Variants in SUSD4 observed in about 807,000 individuals in gnomAD.
SUSD4 encodes the protein sushi domain containing 4.
In SUSD4, 41 loss-of-function variants were observed where a neutral mutation model predicts 50.5. The observed-to-expected ratio is 0.81, with a 90% confidence interval of 0.63 to 1.05. The LOEUF (loss-of-function observed/expected upper bound fraction) is 1.05. SUSD4 is among the 50% of genes least tolerant of loss of function. The pLI is 0.00. For synonymous variants in SUSD4, 257 were observed against 257.3 expected, an observed-to-expected ratio of 1.00 and a Z score of 0.01; for missense variants, 580 against 634.7, an observed-to-expected ratio of 0.91 and a Z score of 0.93.
intron 2 of SUSD4, among the ~76,000 whole-genome samples, chr1:223,348,466 C>A (rs1289112569): frequency 6.6e-6 from 1 of 152,198 alleles, no homozygotes; most frequent in Non-Finnish European, 1.5e-5. Flanking sequence ...TGTTCTATAT[C>A]TATTTATTCT....
intron 2 of SUSD4, among the ~76,000 whole-genome samples, chr1:223,294,774 T>C (rs1183660018): frequency 6.6e-6 from 1 of 152,248 alleles, no homozygotes; most frequent in East Asian, 1.9e-4. Flanking sequence ...GCCCTCCTGC[T>C]GCCACTCTGT....
intron 5 of SUSD4, among the ~76,000 whole-genome samples, chr1:223,239,622 G>C (rs1558172469): frequency 6.6e-6 from 1 of 151,952 alleles, no homozygotes; most frequent in South Asian, 2.1e-4. Context: ...TTCACAGGTA[G>C]TATGAGTACC....
At position 223,264,737 on chromosome 1, in the gene SUSD4, A is replaced by G; in HGVS notation, c.617T>C (p.Ile206Thr). Residue 206 changes from isoleucine (I) to threonine (T), a missense_variant, in exon 5 of 9, where the codon ATC (isoleucine) becomes ACC (threonine). Coordinates refer to ENST00000366878, the MANE Select transcript of SUSD4 (RefSeq NM_017982.4). ...AAATCCGGGAAAGCAGCGATAGGAG[A>G]TCACAGTCCCCACCGGGAAGGAGGT... is the stretch of plus-strand genomic sequence containing the variant. ...LQTSFPVGTV[I>T]SYRCFPGFKL... 6.2e-7 allele frequency: 1 copy of G among 1,614,238 alleles called. No individual in the cohort carries two copies. Among genetic ancestry groups the G allele is most frequent in the South Asian group, 1.1e-5 (1 of 91,088 alleles).
chr1:223,345,429 T>A (rs1356896742), intron 2 of SUSD4, among the ~76,000 whole-genome samples: 3 of 152,050 alleles, frequency 2.0e-5, no homozygotes, highest in Admixed American at 2.0e-4. Flanking sequence ...AGGGTCCAGA[T>A]CCAGGCCCTG....
Position 223,229,908 on chromosome 1 carries a change from T to C in SUSD4, c.725-520A>G, listed in dbSNP as rs1659778873. The stretch of plus-strand genomic sequence containing the variant: ...AATGACGAACATGGAGCAGTTCTTC[T>C]AGCTCTGCTTGCAGAGCCAGGGCAC... On this transcript the variant is annotated intron_variant, in intron 5 of 8. Coordinates refer to ENST00000366878, the MANE Select transcript of SUSD4 (RefSeq NM_017982.4). The surrounding 1 kb of genome is among the most constrained non-coding windows in gnomAD (Gnocchi z 4.7). Among the ~76,000 whole-genome samples the C allele has an allele frequency of 6.6e-6, 1 of 152,334 alleles. No homozygotes were observed. The highest frequency in any genetic ancestry group is 2.4e-5 in the African/African-American group (1 of 41,582).
intron 2 of SUSD4, among the ~76,000 whole-genome samples, chr1:223,334,670 T>C (rs1667358733): frequency 6.6e-6 from 1 of 152,172 alleles, no homozygotes; most frequent in Non-Finnish European, 1.5e-5. Flanking sequence ...AGTAATGCCT[T>C]CAAAATTATG....
upstream of SUSD4, among the ~76,000 whole-genome samples, chr1:223,365,157 T>G (rs932005783): frequency 6.6e-6 from 1 of 152,080 alleles, no homozygotes; most frequent in Non-Finnish European, 1.5e-5. Flanking sequence ...CGGTGGTAAT[T>G]GCCCTCCCAG....
intron 5 of SUSD4, among the ~76,000 whole-genome samples, chr1:223,253,231 C>G (rs143242713): frequency 9.6e-4 from 146 of 152,142 alleles, no homozygotes; most frequent in African/African-American, 3.4e-3. Context: ...GATGAAGGCT[C>G]TGTCCTCTCT....
At chr1:223,336,103 G>A (rs1414267035) in intron 2 of SUSD4, among the ~76,000 whole-genome samples, 12 of 152,012 alleles carry the variant, frequency 7.9e-5, no homozygotes, top group Admixed American at 3.9e-4. Flanking sequence ...ACAGGCATGC[G>A]CCACCACGCC....
chr1:223,221,051 G>A lies in SUSD4; in HGVS notation c.*1141C>T. The A allele has an allele frequency of 2.5e-6, 1 of 400,788 alleles. No homozygotes were observed. The highest frequency in any genetic ancestry group is 3.6e-5 in the East Asian group (1 of 28,080). 24.8% of individuals were successfully genotyped at this position (400,788 alleles called of 1,614,324 possible). ...AATTTTTTAATCAATCAGTTTCTTA[G>A]GAACAACACCCAGTGGGCATGATGA... On this transcript the variant is annotated 3_prime_UTR_variant, in exon 9 of 9. Transcript: ENST00000366878.
chr1:223,229,474 A>C lies in SUSD4; in HGVS notation c.725-86T>G. Reference sequence around the variant, plus strand: ...CTAAGACGAAGAATGGCCTAGGAGAACTCAGTTAAAAATGTGCTTATGGAT... The same window carrying C: ...CTAAGACGAAGAATGGCCTAGGAGACCTCAGTTAAAAATGTGCTTATGGAT... On this transcript the variant is annotated intron_variant, in intron 5 of 8. Transcript: ENST00000366878. This position sits in a 1 kb window ranked among gnomAD's most constrained non-coding sequence, Gnocchi z 4.7. The C allele has an allele frequency of 7.7e-7, 1 of 1,301,964 alleles. No individual in the cohort carries two copies. The highest frequency in any genetic ancestry group is 1.5e-5 in the African/African-American group (1 of 67,756). The allele number at this position is 1,301,964 out of a possible 1,614,324, so 80.7% of individuals were successfully genotyped here. A position where few individuals can be genotyped will look rare whatever the true frequency, so the allele number is the denominator to read the frequency against.
At chr1:223,335,090 T>C (rs1487036983) in intron 2 of SUSD4, among the ~76,000 whole-genome samples, 2 of 152,232 alleles carry the variant, frequency 1.3e-5, no homozygotes, top group Non-Finnish European at 2.9e-5. Flanking sequence ...ATCATATATA[T>C]ATATACCACA....
At chr1:223,327,393 C>T (rs1037385130) in intron 2 of SUSD4, among the ~76,000 whole-genome samples, 1 of 152,170 alleles carries the variant, frequency 6.6e-6, no homozygotes, top group African/African-American at 2.4e-5. Context: ...ATGTACATGA[C>T]TCAGCTGATG....
intron 2 of SUSD4, among the ~76,000 whole-genome samples, chr1:223,341,852 A>G (rs766431260): frequency 1.3e-5 from 2 of 151,834 alleles, no homozygotes; most frequent in Admixed American, 1.3e-4. Flanking sequence ...CCATCTGCCA[A>G]CAGAGACCAC....
intron 2 of SUSD4, among the ~76,000 whole-genome samples, chr1:223,320,527 A>G (rs1182051230): frequency 6.6e-6 from 1 of 152,180 alleles, no homozygotes; most frequent in Non-Finnish European, 1.5e-5. Flanking sequence ...CATCTGGCTA[A>G]ACACGGGTAG....
At chr1:223,248,642 A>G (rs1162817831) in intron 5 of SUSD4, among the ~76,000 whole-genome samples, 1 of 147,294 alleles carries the variant, frequency 6.8e-6, no homozygotes, top group Non-Finnish European at 1.5e-5. Context: ...GCCAATGATC[A>G]TGAGGCTGGG....
intron 5 of SUSD4, among the ~76,000 whole-genome samples, chr1:223,236,613 C>T (rs1440881126): frequency 6.7e-6 from 1 of 150,110 alleles, no homozygotes; most frequent in Non-Finnish European, 1.5e-5. Flanking sequence ...AAAAGTCTGT[C>T]TTTGTTCCAT....
intron 5 of SUSD4, among the ~76,000 whole-genome samples, chr1:223,257,388 G>A (rs779338361): frequency 6.6e-6 from 1 of 152,168 alleles, no homozygotes; most frequent in Non-Finnish European, 1.5e-5. Flanking sequence ...AGGCAAGGAA[G>A]GGAGTGAAGA....
At chr1:223,305,674 GA>G (rs1281041668) in intron 2 of SUSD4, among the ~76,000 whole-genome samples, 10 of 152,278 alleles carry the variant, frequency 6.6e-5, no homozygotes, top group African/African-American at 2.4e-4. Flanking sequence ...AAGAAAACCA[GA>G]AAGCAAGACT....
Sources: gnomAD v4.1 joint callset for allele counts (sites outside exome capture counted in the v4.1 genomes callset) on GRCh38, gnomAD v4.1.1 for gene constraint, Gnocchi (gnomAD v3.1) non-coding constraint, MANE v1.5 for transcripts, NCBI Gene and HGNC (gene_info 2026-07-23, HGNC 2026-07-21) for gene names.